MGAT5: variants seen among roughly 807,000 people sequenced by gnomAD.
MGAT5 encodes alpha-1,6-mannosylglycoprotein 6-beta-N-acetylglucosaminyltransferase, also known as alpha-1,6-mannosylglycoprotein 6-beta-N-acetylglucosaminyltransferase A.
In MGAT5, 30 loss-of-function variants were observed where a neutral mutation model predicts 94.3. The ratio of observed to expected loss-of-function variants is 0.32; its 90% CI spans 0.24 to 0.43. The LOEUF (loss-of-function observed/expected upper bound fraction) is 0.43. Among genes scored for constraint, MGAT5 ranks in the 20% least tolerant of loss-of-function variants. The probability of loss-of-function intolerance (pLI) is 1.00; values close to 1 mark genes in which losing one functional copy is unlikely to be tolerated. For missense variants in MGAT5, 691 were observed against 905.5 expected, an observed-to-expected ratio of 0.76 and a Z score of 3.04; for synonymous variants, 310 against 322.9, an observed-to-expected ratio of 0.96 and a Z score of 0.43.
At chr2:134,266,492 A>T (rs1481716398) in intron 1 of MGAT5, among the ~76,000 whole-genome samples, 3 of 152,244 alleles carry the variant, frequency 2.0e-5, no homozygotes, top group Non-Finnish European at 4.4e-5. Context: ...AAGTGCTAGG[A>T]TTACAGGCGT....
chr2:134,124,931 T>C (rs1259493431), intron 1 of MGAT5, among the ~76,000 whole-genome samples: 1 of 152,242 alleles, frequency 6.6e-6, no homozygotes, highest in Non-Finnish European at 1.5e-5. Flanking sequence ...CACAGACTTC[T>C]TATAAGTCCT....
chr2:134,121,641 A>T (rs895073757), intron 1 of MGAT5, among the ~76,000 whole-genome samples: 4 of 152,148 alleles, frequency 2.6e-5, no homozygotes, highest in African/African-American at 9.7e-5. Flanking sequence ...GAAGATGAGT[A>T]CTTCTGGGTC....
chr2:134,147,779 C>T (rs1198173290), intron 1 of MGAT5, among the ~76,000 whole-genome samples: 1 of 152,174 alleles, frequency 6.6e-6, no homozygotes, highest in Non-Finnish European at 1.5e-5. Flanking sequence ...CTGTCCTCCT[C>T]CTTCCACGTC....
At chr2:134,338,024 T>G (rs959579202) in intron 5 of MGAT5, among the ~76,000 whole-genome samples, 3 of 152,158 alleles carry the variant, frequency 2.0e-5, no homozygotes, top group African/African-American at 4.8e-5. Flanking sequence ...TGTGCTGCTT[T>G]TCTCAATTTC....
intron 1 of MGAT5, among the ~76,000 whole-genome samples, chr2:134,225,954 A>G (rs1681040496): frequency 6.6e-6 from 1 of 152,208 alleles, no homozygotes; most frequent in Non-Finnish European, 1.5e-5. Context: ...AGCTGTCCTG[A>G]TTCCTCTTCA....
intron 10 of MGAT5, among the ~76,000 whole-genome samples, chr2:134,381,016 G>T (rs573433909): frequency 1.3e-5 from 2 of 151,900 alleles, no homozygotes; most frequent in South Asian, 4.2e-4. Context: ...CCCCTTTCTT[G>T]CTCTTTTTAA....
intron 4 of MGAT5, among the ~76,000 whole-genome samples, chr2:134,323,605 C>T (rs1687461147): frequency 6.6e-6 from 1 of 152,096 alleles, no homozygotes; most frequent in African/African-American, 2.4e-5. Context: ...TGAAGGAAAA[C>T]GGATCTTAGG....
chr2:134,384,339 A>G (rs942969758), intron 10 of MGAT5, among the ~76,000 whole-genome samples: 13 of 151,756 alleles, frequency 8.6e-5, no homozygotes, highest in African/African-American at 3.1e-4. Flanking sequence ...CCTGTCCACT[A>G]TCCTTTTTGA....
chr2:134,192,241 G>T (rs910978838), intron 1 of MGAT5, among the ~76,000 whole-genome samples: 3 of 151,990 alleles, frequency 2.0e-5, no homozygotes, highest in African/African-American at 7.3e-5. Flanking sequence ...GGTGGGTTTG[G>T]CTCCCTTCTT....
At chr2:134,143,732 G>A (rs1686768330) in intron 1 of MGAT5, among the ~76,000 whole-genome samples, 1 of 152,220 alleles carries the variant, frequency 6.6e-6, no homozygotes, top group Non-Finnish European at 1.5e-5. Flanking sequence ...AAGACCTGTG[G>A]AAGAGGAGGG....
chr2:134,165,482 A>C (rs1039374864), intron 1 of MGAT5, among the ~76,000 whole-genome samples: 5 of 152,172 alleles, frequency 3.3e-5, no homozygotes, highest in African/African-American at 1.2e-4. Context: ...GTCTTCTAAA[A>C]AAATTATCCA....
rs1683755380 is a variant in MGAT5 at position 134,412,883 on chromosome 2, TG to T, written c.1548del (p.Phe517SerfsTer19). 1 of 1,614,118 alleles carries T rather than the reference TG, an allele frequency of 6.2e-7. No individual in the cohort carries two copies. The highest frequency in any genetic ancestry group is 8.5e-7 in the Non-Finnish European group (1 of 1,180,000). ...LRETKLFVGL[G>X]FPYEGPAPLE... Reference sequence around the variant, plus strand: ...CTGTCTTACAGTTGTTTGTTGGACTTGGGTTCCCTTACGAGGGCCCAGCTCC... The same window carrying T: ...CTGTCTTACAGTTGTTTGTTGGACTTGGTTCCCTTACGAGGGCCCAGCTCC... On this transcript the variant is annotated frameshift_variant, in exon 12 of 16. Transcript: ENST00000281923. LOFTEE classifies it high-confidence loss of function.
At chr2:134,288,803 T>C (rs1160429418) in intron 2 of MGAT5, among the ~76,000 whole-genome samples, 1 of 152,152 alleles carries the variant, frequency 6.6e-6, no homozygotes, top group Non-Finnish European at 1.5e-5. Flanking sequence ...TGCTCTCCCC[T>C]GACAGCCACC....
At chr2:134,384,413 T>C (rs1264886738) in intron 10 of MGAT5, among the ~76,000 whole-genome samples, 2 of 152,178 alleles carry the variant, frequency 1.3e-5, no homozygotes, top group East Asian at 3.8e-4. Flanking sequence ...GTTCAGTTTT[T>C]CAGGGTTCTT....
intron 15 of MGAT5, among the ~76,000 whole-genome samples, chr2:134,443,740 G>C (rs939933310): frequency 6.6e-6 from 1 of 152,206 alleles, no homozygotes; most frequent in African/African-American, 2.4e-5. Flanking sequence ...GGCTTTCCAT[G>C]CGCTCCTTTT....
chr2:134,198,781 G>C (rs1679623214), intron 1 of MGAT5, among the ~76,000 whole-genome samples: 2 of 152,134 alleles, frequency 1.3e-5, no homozygotes, highest in Non-Finnish European at 2.9e-5. Flanking sequence ...CCACTGCTTT[G>C]CATTCTTCAT....
At chr2:134,238,751 C>G (rs1348895250) in intron 1 of MGAT5, among the ~76,000 whole-genome samples, 2 of 152,124 alleles carry the variant, frequency 1.3e-5, no homozygotes, top group Non-Finnish European at 2.9e-5. Context: ...CAAGACCAGC[C>G]TGGCCAACAT....
chr2:134,151,197 C>CTCAA (rs1558958297), intron 1 of MGAT5, among the ~76,000 whole-genome samples: 1 of 149,920 alleles, frequency 6.7e-6, no homozygotes, highest in African/African-American at 2.5e-5. Flanking sequence ...ACCTCACTCA[C>CTCAA]GCCCTATGGG....
At chr2:134,252,355 T>C (rs1244554223), upstream of MGAT5, among the ~76,000 whole-genome samples, 2 of 152,084 alleles carry the variant, frequency 1.3e-5, no homozygotes, top group East Asian at 3.8e-4. Context: ...AGGGGTGTGA[T>C]GGGGCAGAGG....
Sources: gnomAD v4.1 joint callset for allele counts (sites outside exome capture counted in the v4.1 genomes callset) on GRCh38, gnomAD v4.1.1 for gene constraint, MANE v1.5 for transcripts, NCBI Gene and HGNC (gene_info 2026-07-23, HGNC 2026-07-21) for gene names.